Variants in LHFPL6 observed in about 807,000 individuals in gnomAD.
LHFPL6 encodes the protein LHFPL tetraspan subfamily member 6 protein.
Under a neutral mutation model 20.6 loss-of-function variants are expected in LHFPL6, and 9 were observed. The observed-to-expected ratio is 0.44, with a 90% CI of 0.26 to 0.76. The LOEUF is 0.76. LHFPL6 is among the 30% of genes least tolerant of loss of function. The pLI, the probability that LHFPL6 is intolerant of heterozygous loss-of-function variation, is 0.20. For missense variants in LHFPL6, 218 were observed against 253.5 expected (o/e 0.86, Z 0.95); for synonymous variants, 105 against 98.7 (o/e 1.06, Z -0.38).
intron 3 of LHFPL6, among the ~76,000 whole-genome samples, chr13:39,367,502 T>C (rs1404550440): frequency 6.6e-6 from 1 of 152,254 alleles, no homozygotes; most frequent in Non-Finnish European, 1.5e-5. Flanking sequence ...TAACAAATAC[T>C]TTCGTAGATA....
At chr13:39,580,935 G>A (rs1331480318) in intron 2 of LHFPL6, among the ~76,000 whole-genome samples, 7 of 152,134 alleles carry the variant, frequency 4.6e-5, no homozygotes, top group African/African-American at 9.7e-5. Context: ...GTGAACACAC[G>A]AATAAAGGTG....
At chr13:39,427,246 C>T (rs375363869) in intron 2 of LHFPL6, among the ~76,000 whole-genome samples, 4 of 152,116 alleles carry the variant, frequency 2.6e-5, no homozygotes, top group South Asian at 2.1e-4. Context: ...AAATAGTTTG[C>T]CTTTCTAATC....
chr13:39,601,089 G>A lies in LHFPL6; in HGVS notation c.128C>T (p.Ser43Phe). The change falls in exon 2 of 4, where the codon TCC becomes TTC. Residue 43 changes from serine to phenylalanine, a missense_variant. Ser to Phe is a radical substitution (Grantham distance 155). Transcript: ENST00000379589. The part of the protein sequence containing the change: ...LWGSQLGKPV[S>F]FGTFRRCSYP... Reference sequence around the variant, plus strand: ...TGAGCACCTCCGGAAGGTACCGAAGGACACAGGCTTGCCCAGCTGTGATCC... The same window carrying A: ...TGAGCACCTCCGGAAGGTACCGAAGAACACAGGCTTGCCCAGCTGTGATCC... 1 of 1,614,184 alleles carries A rather than the reference G, an allele frequency of 6.2e-7. No individual in the cohort carries two copies. Among genetic ancestry groups the A allele is most frequent in the African/African-American group, 1.3e-5 (1 of 75,054 alleles).
At chr13:39,386,819 T>A (rs1372401769) in intron 2 of LHFPL6, among the ~76,000 whole-genome samples, 2 of 152,222 alleles carry the variant, frequency 1.3e-5, no homozygotes, top group Non-Finnish European at 2.9e-5. Flanking sequence ...GATCCCTGAC[T>A]TACTGCACCT....
chr13:39,491,356 G>A (rs1004703459), intron 2 of LHFPL6, among the ~76,000 whole-genome samples: 5 of 152,176 alleles, frequency 3.3e-5, no homozygotes, highest in African/African-American at 9.7e-5. Context: ...AAGAAAGAGC[G>A]GAGGGAGCTT....
Position 39,343,149 on chromosome 13 carries a change from T to A in LHFPL6, c.*787A>T, listed in dbSNP as rs901193840. 4.9e-6 allele frequency: 1 copy of A among 205,276 alleles called. No homozygotes were observed. Among genetic ancestry groups the A allele is most frequent in the Non-Finnish European group, 1.0e-5 (1 of 100,124 alleles). 12.7% of individuals were successfully genotyped at this position (205,276 alleles called of 1,614,324 possible). ...ATAGCAGAAGCTACTCAGAGAAATA[T>A]TGCATATTGTGGAATAACATGGAAA... On this transcript the variant is annotated 3_prime_UTR_variant, in exon 4 of 4. Coordinates refer to ENST00000379589, the MANE Select transcript of LHFPL6 (RefSeq NM_005780.3).
chr13:39,474,667 CATTT>C (rs1873035077), intron 2 of LHFPL6, among the ~76,000 whole-genome samples: 1 of 152,020 alleles, frequency 6.6e-6, no homozygotes, highest in African/African-American at 2.4e-5. Flanking sequence ...AAATTATAAA[CATTT>C]ATTAAACTCT....
At position 39,600,858 on chromosome 13, in the gene LHFPL6, A is replaced by G. The variant is rs944363435; in HGVS notation, c.359T>C (p.Val120Ala). The stretch of plus-strand genomic sequence containing the variant: ...CCCAAGAAACTGAATTCCTCCAGCC[A>G]CTCTTCCCACTGTCCTGGAGATGAG... ...SDLISRTVGR[V>A]AGGIQFLGGL... The change falls in exon 2 of 4, where the codon GTG becomes GCG. Residue 120 changes from valine (V) to alanine (A), a missense_variant. By Grantham distance (64) the Val-to-Ala change is moderately conservative (BLOSUM62 0). Transcript: ENST00000379589. 6.7e-7 allele frequency: 1 copy of G among 1,493,664 alleles called. No homozygotes were observed. The highest frequency in any genetic ancestry group is 1.4e-5 in the African/African-American group (1 of 71,410). The allele number at this position is 1,493,664 out of a possible 1,614,324, so 92.5% of individuals were successfully genotyped here.
chr13:39,589,857 T>C (rs1177066248), intron 2 of LHFPL6, among the ~76,000 whole-genome samples: 1 of 152,206 alleles, frequency 6.6e-6, no homozygotes, highest in African/African-American at 2.4e-5. Context: ...ATGGCCTCTC[T>C]ATTACATATT....
chr13:39,571,949 AGTGT>A (rs1871931066), intron 2 of LHFPL6, among the ~76,000 whole-genome samples: 1 of 152,170 alleles, frequency 6.6e-6, no homozygotes, highest in Non-Finnish European at 1.5e-5. Context: ...CAAGGGGTTG[AGTGT>A]GACGAGCCAA....
intron 2 of LHFPL6, among the ~76,000 whole-genome samples, chr13:39,491,326 G>A (rs572844631): frequency 3.9e-5 from 6 of 152,250 alleles, no homozygotes; most frequent in South Asian, 4.2e-4. Flanking sequence ...CTGGGTTCGC[G>A]TAAGGGATAA....
intron 2 of LHFPL6, among the ~76,000 whole-genome samples, chr13:39,422,250 C>T (rs1410668430): frequency 1.3e-5 from 2 of 152,074 alleles, no homozygotes; most frequent in Non-Finnish European, 2.9e-5. Context: ...ATGGTATGTT[C>T]TAATGTTAGG....
chr13:39,465,675 C>A (rs10492737), intron 2 of LHFPL6, among the ~76,000 whole-genome samples: 2 of 151,822 alleles, frequency 1.3e-5, no homozygotes, highest in Admixed American at 6.6e-5. Flanking sequence ...ATATTTGAAA[C>A]GTTCATCTGT....
intron 2 of LHFPL6, among the ~76,000 whole-genome samples, chr13:39,473,840 T>C (rs1873010892): frequency 6.6e-6 from 1 of 152,224 alleles, no homozygotes; most frequent in South Asian, 2.1e-4. Context: ...AGAATCTCCT[T>C]TGGATTCTTC....
At chr13:39,521,078 A>G (rs1870090894) in intron 2 of LHFPL6, among the ~76,000 whole-genome samples, 2 of 152,146 alleles carry the variant, frequency 1.3e-5, no homozygotes, top group South Asian at 4.1e-4. Flanking sequence ...GACTACTTGG[A>G]CAACAATTAT....
chr13:39,513,631 A>G (rs1227666406), intron 2 of LHFPL6, among the ~76,000 whole-genome samples: 2 of 152,240 alleles, frequency 1.3e-5, no homozygotes, highest in Non-Finnish European at 2.9e-5. Context: ...TCCAGTTACT[A>G]TATCAGGAGC....
chr13:39,429,786 C>T (rs1164198425), intron 2 of LHFPL6, among the ~76,000 whole-genome samples: 1 of 152,150 alleles, frequency 6.6e-6, no homozygotes, highest in Non-Finnish European at 1.5e-5. Context: ...TCTATTGAAA[C>T]AAGTCTTTGT....
rs1017435480 is a variant in LHFPL6, at chr13:39,486,606, G to A, written c.386-108080C>T. On this transcript the variant is annotated intron_variant, in intron 2 of 3. Coordinates refer to ENST00000379589, the MANE Select transcript of LHFPL6 (RefSeq NM_005780.3). ...TATTACCGCCAATATGATGACGATGGTCAGGGTGTCTTCTTCCACTCTAAA... is the reference window on the plus strand; with the variant it reads ...TATTACCGCCAATATGATGACGATGATCAGGGTGTCTTCTTCCACTCTAAA... 3.3e-5 allele frequency among the ~76,000 whole-genome samples: 5 copies of A among 152,288 alleles called. No individual in the cohort carries two copies. In the South Asian group the frequency reaches 1.0e-3, roughly 32 times the overall value.
At chr13:39,455,028 C>A (rs1872537546) in intron 2 of LHFPL6, among the ~76,000 whole-genome samples, 1 of 152,066 alleles carries the variant, frequency 6.6e-6, no homozygotes. Context: ...TGTGAGGGTA[C>A]AGGGAGAAGA....
Sources: gnomAD v4.1 joint callset for allele counts (sites outside exome capture counted in the v4.1 genomes callset) on GRCh38, gnomAD v4.1.1 for gene constraint, MANE v1.5 for transcripts, NCBI Gene and HGNC (gene_info 2026-07-23, HGNC 2026-07-21) for gene names.